CSMD1: variants seen among roughly 807,000 people sequenced by gnomAD.
CSMD1 encodes CUB and sushi domain-containing protein 1.
CSMD1 carries 213 observed loss-of-function variants against 417.5 expected under a neutral mutation model. The ratio of observed to expected loss-of-function variants is 0.51; its 90% CI spans 0.46 to 0.57. The LOEUF is 0.57. Ranked by LOEUF, CSMD1 falls within the 20% of genes least tolerant of loss-of-function variation. The pLI, the probability that CSMD1 is intolerant of heterozygous loss-of-function variation, is 0.00. For synonymous variants in CSMD1, 2,862 were observed against 1,736.8 expected (o/e 1.65, Z -16.11); for missense variants, 6,923 against 4,529.7 (o/e 1.53, Z -15.17).
chr8:4,010,765 C>T (rs956548778), intron 4 of CSMD1, among the ~76,000 whole-genome samples: 3 of 152,176 alleles, frequency 2.0e-5, no homozygotes, highest in African/African-American at 7.2e-5. Flanking sequence ...TGGCCTAATG[C>T]ACTTCCTTGC....
chr8:3,880,555 G>C (rs574435525), intron 5 of CSMD1, among the ~76,000 whole-genome samples: 44 of 152,210 alleles, frequency 2.9e-4, no homozygotes, highest in Admixed American at 1.2e-3. Flanking sequence ...CTTCTCAGTA[G>C]CATTGTGAAT....
intron 1 of CSMD1, among the ~76,000 whole-genome samples, chr8:4,715,092 G>C (rs1808567199): frequency 6.6e-6 from 1 of 152,092 alleles, no homozygotes; most frequent in Admixed American, 6.5e-5. Context: ...AAACACTCCA[G>C]TCCTCTCATC....
At chr8:4,560,893 T>G (rs1325640831) in intron 2 of CSMD1, among the ~76,000 whole-genome samples, 1 of 152,168 alleles carries the variant, frequency 6.6e-6, no homozygotes, top group African/African-American at 2.4e-5. Context: ...CTCTTCCTCC[T>G]AGGACTCAAA....
At chr8:4,845,218 T>C (rs570989119) in intron 1 of CSMD1, among the ~76,000 whole-genome samples, 1 of 152,314 alleles carries the variant, frequency 6.6e-6, no homozygotes, top group East Asian at 1.9e-4. Flanking sequence ...CTACATATTT[T>C]GGTTATTGTA....
At chr8:3,538,575 C>T (rs1341377107) in intron 10 of CSMD1, among the ~76,000 whole-genome samples, 2 of 152,248 alleles carry the variant, frequency 1.3e-5, no homozygotes, top group South Asian at 2.1e-4. Flanking sequence ...TGAGTTGCCT[C>T]CCCTGTGATT....
chr8:4,517,728 T>C (rs535483956), intron 2 of CSMD1, among the ~76,000 whole-genome samples: 57 of 152,358 alleles, frequency 3.7e-4, no homozygotes, highest in African/African-American at 1.3e-3. Flanking sequence ...ATAACTCGTT[T>C]ATCAAAAAGT....
intron 3 of CSMD1, among the ~76,000 whole-genome samples, chr8:4,199,590 A>G (rs1799533475): frequency 6.6e-6 from 1 of 152,180 alleles, no homozygotes; most frequent in African/African-American, 2.4e-5. Flanking sequence ...AAACCAATTT[A>G]TCTTTGATTC....
intron 5 of CSMD1, among the ~76,000 whole-genome samples, chr8:3,890,691 G>A (rs2129127009): frequency 6.6e-6 from 1 of 151,670 alleles, no homozygotes; most frequent in African/African-American, 2.4e-5. Context: ...AATGAGTCCT[G>A]CCCCAGAAAA....
chr8:4,298,833 TAAAA>T, intron 3 of CSMD1, among the ~76,000 whole-genome samples: 1 of 152,144 alleles, frequency 6.6e-6, no homozygotes, highest in East Asian at 1.9e-4. Context: ...TAAAGTATAA[TAAAA>T]AATTATTTCT....
intron 54 of CSMD1, among the ~76,000 whole-genome samples, chr8:2,997,460 C>G (rs1807012664): frequency 6.6e-6 from 1 of 152,126 alleles, no homozygotes; most frequent in South Asian, 2.1e-4. Context: ...GCCCTTCACA[C>G]TAAAGTACAA....
In CSMD1 at chr8:3,917,728, G is replaced by A. The variant is rs78501164; in HGVS notation, c.818+80175C>T. On this transcript the variant is annotated intron_variant, in intron 5 of 69. Transcript: ENST00000635120. ...GAGATACGTATATATCCAAGAAACC[G>A]TCACCACTCTCAAGGCCACAGACAA... 7.4e-4 allele frequency among the ~76,000 whole-genome samples: 112 copies of A among 152,160 alleles called. 2 individuals are homozygous for A. The highest frequency in any genetic ancestry group is 2.3e-3 in the African/African-American group (96 of 41,516).
At chr8:3,280,748 C>G (rs958094997) in intron 26 of CSMD1, among the ~76,000 whole-genome samples, 1 of 150,770 alleles carries the variant, frequency 6.6e-6, no homozygotes, top group Non-Finnish European at 1.5e-5. Context: ...TCTGTAGAAA[C>G]TTTCATGGTG....
At chr8:4,805,366 C>G (rs1798529008) in intron 1 of CSMD1, among the ~76,000 whole-genome samples, 1 of 152,190 alleles carries the variant, frequency 6.6e-6, no homozygotes, top group Non-Finnish European at 1.5e-5. Context: ...AATTCGTGGT[C>G]TTATTCTCAT....
chr8:4,218,725 C>G (rs143571765), intron 3 of CSMD1, among the ~76,000 whole-genome samples: 2 of 152,196 alleles, frequency 1.3e-5, no homozygotes, highest in African/African-American at 2.4e-5. Context: ...GTGATGGTGA[C>G]TGGTTTCAAT....
At chr8:3,604,797 G>C (rs1279322463) in intron 8 of CSMD1, among the ~76,000 whole-genome samples, 1 of 152,062 alleles carries the variant, frequency 6.6e-6, no homozygotes, top group Non-Finnish European at 1.5e-5. Flanking sequence ...TGGTATCCAA[G>C]GGCATCAACG....
At chr8:4,274,854 A>AT (rs1329605926) in intron 3 of CSMD1, among the ~76,000 whole-genome samples, 1 of 152,012 alleles carries the variant, frequency 6.6e-6, no homozygotes, top group African/African-American at 2.4e-5. Flanking sequence ...TACTGCTTTT[A>AT]TTTTTTCCCA....
chr8:3,512,138 C>A, intron 10 of CSMD1, among the ~76,000 whole-genome samples: 1 of 152,194 alleles, frequency 6.6e-6, no homozygotes, highest in East Asian at 1.9e-4. Context: ...CCCAACCACG[C>A]TCATAGCACC....
chr8:4,378,489 T>C (rs372925984), intron 3 of CSMD1, among the ~76,000 whole-genome samples: 1 of 152,150 alleles, frequency 6.6e-6, no homozygotes, highest in East Asian at 1.9e-4. Flanking sequence ...TTATCCCCTT[T>C]ATCTCTCTCT....
chr8:3,205,463 G>A (rs1426299225), intron 31 of CSMD1, 41 bp downstream of exon 31: 1 of 999,954 alleles, frequency 1.0e-6, no homozygotes, highest in East Asian at 2.6e-5. Context: ...AACACTGAAA[G>A]GAAATATGAC....
Sources: allele counts gnomAD v4.1 joint callset (sites outside exome capture counted in the v4.1 genomes callset), GRCh38; gene constraint gnomAD v4.1.1; transcripts MANE v1.5; gene names NCBI Gene and HGNC (gene_info 2026-07-23, HGNC 2026-07-21).